Variants in ADGRG6 observed in about 807,000 individuals in gnomAD.
ADGRG6 encodes the protein G-protein coupled receptor 126.
In ADGRG6, 84 loss-of-function variants were observed where a neutral mutation model predicts 142.4. The observed-to-expected ratio is 0.59, with a 90% confidence interval of 0.49 to 0.71. The LOEUF (loss-of-function observed/expected upper bound fraction) is 0.71, where lower values mean the gene tolerates loss of function less well. Among genes scored for constraint, ADGRG6 ranks in the 30% least tolerant of loss-of-function variants. The pLI, the probability that ADGRG6 is intolerant of heterozygous loss-of-function variation, is 0.00. For missense variants in ADGRG6, 1,367 were observed against 1,466.6 expected (o/e 0.93, Z 1.11); for synonymous variants, 521 against 520.5 (o/e 1.00, Z -0.01).
chr6:142,380,478 C>A (rs76010434), intron 4 of ADGRG6, among the ~76,000 whole-genome samples: 2,538 of 152,262 alleles, frequency 0.017, 76 homozygotes, highest in African/African-American at 0.057. Flanking sequence ...CATGGTGTTG[C>A]TATTTTCCAA....
At chr6:142,394,913 A>T (rs931087479) in intron 9 of ADGRG6, among the ~76,000 whole-genome samples, 4 of 152,102 alleles carry the variant, frequency 2.6e-5, no homozygotes, top group African/African-American at 9.7e-5. Flanking sequence ...ATTTTTTAAA[A>T]ATTTGTTGTG....
chr6:142,331,054 C>T (rs755171626), intron 2 of ADGRG6, among the ~76,000 whole-genome samples: 5 of 151,548 alleles, frequency 3.3e-5, no homozygotes, highest in Admixed American at 6.6e-5. Flanking sequence ...CCAGGGAAGC[C>T]AAAGCTCCTT....
At chr6:142,331,482 G>A (rs527295488) in intron 2 of ADGRG6, among the ~76,000 whole-genome samples, 95 of 152,198 alleles carry the variant, frequency 6.2e-4, no homozygotes, top group Non-Finnish European at 6.3e-4. Context: ...GCTGTATGAC[G>A]AAAATGCAGT....
At chr6:142,409,429 G>A (rs2115046180) in intron 16 of ADGRG6, among the ~76,000 whole-genome samples, 1 of 152,194 alleles carries the variant, frequency 6.6e-6, no homozygotes, top group East Asian at 1.9e-4. Context: ...CGCTTGGGTT[G>A]CTTCTACTTT....
At chr6:142,437,751 C>T (rs1347094187) in intron 23 of ADGRG6, among the ~76,000 whole-genome samples, 4 of 152,004 alleles carry the variant, frequency 2.6e-5, no homozygotes, top group African/African-American at 9.7e-5. Context: ...GCATGAATTC[C>T]ATACAAGTTA....
In ADGRG6 at chr6:142,408,199, G is replaced by A. The variant is rs1195865878; in HGVS notation, c.2318G>A (p.Ser773Asn). 6.3e-7 allele frequency: 1 copy of A among 1,586,574 alleles called. No homozygotes were observed. The highest frequency in any genetic ancestry group is 8.6e-7 in the Non-Finnish European group (1 of 1,162,142). The change falls in exon 16 of 25, where the codon AGT becomes AAT. Residue 773 changes from serine (S) to asparagine (N), a missense_variant. Coordinates refer to ENST00000367609, the MANE Select transcript of ADGRG6 (RefSeq NM_198569.3). ...TTAGTGAGTTATGTGATGGCGTGCAGTATTGGAAACATTACTATCCAGAAT... is the reference window on the plus strand; with the variant it reads ...TTAGTGAGTTATGTGATGGCGTGCAATATTGGAAACATTACTATCCAGAAT... ...KTLVSYVMACSIGNITIQNLK... is the reference protein window; with the variant it reads ...KTLVSYVMACNIGNITIQNLK...
Position 142,438,266 on chromosome 6 carries a change from A to T in ADGRG6, c.3476A>T (p.Lys1159Ile). The change falls in exon 24 of 25, where the codon AAA becomes ATA. Residue 1159 changes from lysine to isoleucine, a missense_variant. Lys to Ile is a moderately radical substitution (Grantham distance 102, BLOSUM62 -3). This residue lies in a region of ADGRG6 where 344 missense variants were observed against 348.7 expected (regional missense o/e 0.99). Coordinates refer to ENST00000367609, the MANE Select transcript of ADGRG6 (RefSeq NM_198569.3). ...AAGAAAAGTTCTGATAATCTAGGAA[A>T]ATCTTTGTCTTCAAGCTCCATTGGT... ...IIKKSSDNLGKSLSSSSIGSN... is the reference protein window; with the variant it reads ...IIKKSSDNLGISLSSSSIGSN... 1 of 1,605,852 alleles carries T rather than the reference A, an allele frequency of 6.2e-7. No individual in the cohort carries two copies. Among genetic ancestry groups the T allele is most frequent in the Admixed American group, 1.7e-5 (1 of 59,430 alleles).
Position 142,409,885 on chromosome 6 carries a change from TC to T in ADGRG6, c.2403del (p.Ile802SerfsTer7). On this transcript the variant is annotated frameshift_variant, in exon 17 of 25. Transcript: ENST00000367609. LOFTEE classifies it high-confidence loss of function. ...KHTRTQEVHH[P>X]ICAFWDLNKN... ...TTATGTTAATATAGGAAGTGCATCA[TC>T]CCATCTGTGCCTTCTGGGATCTGAA... The T allele has an allele frequency of 6.7e-7, 1 of 1,483,606 alleles. No homozygotes were observed. Among genetic ancestry groups the T allele is most frequent in the Non-Finnish European group, 9.3e-7 (1 of 1,074,962 alleles). 91.9% of individuals were successfully genotyped at this position (1,483,606 alleles called of 1,614,324 possible). A position where few individuals can be genotyped will look rare whatever the true frequency, so the allele number is the denominator to read the frequency against.
intron 4 of ADGRG6, among the ~76,000 whole-genome samples, chr6:142,378,130 A>T (rs1042455514): frequency 6.6e-6 from 1 of 152,190 alleles, no homozygotes; most frequent in Non-Finnish European, 1.5e-5. Flanking sequence ...AAACTGATGA[A>T]ATGTTCAAGA....
chr6:142,391,452 C>A, intron 7 of ADGRG6, among the ~76,000 whole-genome samples: 1 of 150,760 alleles, frequency 6.6e-6, no homozygotes, highest in Non-Finnish European at 1.5e-5. Context: ...CACACACACA[C>A]ACACACACAC....
At chr6:142,406,321 T>C (rs1354323056) in intron 15 of ADGRG6, among the ~76,000 whole-genome samples, 1 of 152,194 alleles carries the variant, frequency 6.6e-6, no homozygotes, top group African/African-American at 2.4e-5. Flanking sequence ...TAAGATGGAA[T>C]TGTGCTAAGC....
rs1330638196 is a variant in ADGRG6, at chr6:142,367,935, A to G, written c.445+25A>G. ...GGTATGTAAACCAAAGGCAACGCCA[A>G]CCTTCTGCTTTTATTTAACATGTTC... On this transcript the variant is annotated intron_variant, in intron 3 of 24. Transcript: ENST00000367609. 7.5e-6 allele frequency: 10 copies of G among 1,329,796 alleles called. No individual in the cohort carries two copies. The Admixed American group carries it at 1.3e-4, about 17-fold the overall frequency. 82.4% of individuals were successfully genotyped at this position (1,329,796 alleles called of 1,614,324 possible).
chr6:142,302,225 G>A lies in ADGRG6; in HGVS notation c.-105G>A. The A allele has an allele frequency of 2.2e-6, 3 of 1,368,016 alleles. No individual in the cohort carries two copies. Among genetic ancestry groups the A allele is most frequent in the East Asian group, 2.4e-5 (1 of 41,934 alleles). 84.7% of individuals were successfully genotyped at this position (1,368,016 alleles called of 1,614,324 possible). ...AAGGAGGGTCCCGCCGCGGCGCAGG[G>A]CTGGGGCGCCTGGGTTCCCCCTGGG... On this transcript the variant is annotated 5_prime_UTR_variant, in exon 1 of 25. Transcript: ENST00000367609.
chr6:142,437,507 TG>T lies in ADGRG6; in HGVS notation c.3395del (p.Gly1132ValfsTer5). 1 of 1,555,528 alleles carries T rather than the reference TG, an allele frequency of 6.4e-7. No homozygotes were observed. The highest frequency in any genetic ancestry group is 8.9e-7 in the Non-Finnish European group (1 of 1,126,590). On this transcript the variant is annotated frameshift_variant, in exon 23 of 25. Transcript: ENST00000367609. LOFTEE classifies it high-confidence loss of function. ...QKQWRQHLCC[G>X]RFRLADNSDW... ...AACAGTGGCGGCAGCATCTCTGCTG[TG>T]GTAGATTTCGGTTAGCAGATAACTC...
rs542975458 is a variant in ADGRG6 at position 142,350,061 on chromosome 6, A to T, written c.104-17508A>T. Reference sequence around the variant, plus strand: ...TGACTTTGAAAAGCTTACAGACTTGATTGCATAAGCAAGGTAATTTTTAAA... The same window carrying T: ...TGACTTTGAAAAGCTTACAGACTTGTTTGCATAAGCAAGGTAATTTTTAAA... On this transcript the variant is annotated intron_variant, in intron 2 of 24. Transcript: ENST00000367609. 4.8e-3 allele frequency among the ~76,000 whole-genome samples: 733 copies of T among 152,360 alleles called. 8 individuals carry two copies. Among genetic ancestry groups the T allele is most frequent in the African/African-American group, 0.017 (695 of 41,588 alleles).
intron 22 of ADGRG6, among the ~76,000 whole-genome samples, chr6:142,436,493 G>C (rs980753298): frequency 1.3e-5 from 2 of 152,120 alleles, no homozygotes; most frequent in Non-Finnish European, 2.9e-5. Context: ...GCTTGGACTG[G>C]GTGGAGAAGA....
intron 2 of ADGRG6, among the ~76,000 whole-genome samples, chr6:142,355,469 C>T (rs550059921): frequency 2.0e-5 from 3 of 152,194 alleles, no homozygotes; most frequent in African/African-American, 7.2e-5. Context: ...CTCTCAAATA[C>T]CACTACAAAG....
intron 7 of ADGRG6, among the ~76,000 whole-genome samples, chr6:142,391,434 TACACACACACAC>T (rs35253608): frequency 9.7e-4 from 129 of 132,464 alleles, no homozygotes; most frequent in South Asian, 9.3e-3. Context: ...AAGTGGTAGC[TACACACACACAC>T]ACACACACAC....
At chr6:142,348,565 C>G (rs941949316) in intron 2 of ADGRG6, among the ~76,000 whole-genome samples, 6 of 151,862 alleles carry the variant, frequency 4.0e-5, no homozygotes, top group African/African-American at 1.5e-4. Flanking sequence ...TAACCAACTT[C>G]TTCCATGTGC....
Sources: gnomAD v4.1 joint callset for allele counts (sites outside exome capture counted in the v4.1 genomes callset) on GRCh38, gnomAD v4.1.1 for gene constraint, gnomAD v4.1.1 regional missense constraint, MANE v1.5 for transcripts, NCBI Gene and HGNC (gene_info 2026-07-23, HGNC 2026-07-21) for gene names.